Variants in MEIKIN observed in about 807,000 individuals in gnomAD.
MEIKIN encodes meiosis-specific kinetochore protein.
At chr5:131,866,249 G>C (rs1003957391) in intron 9 of MEIKIN, among the ~76,000 whole-genome samples, 1 of 152,222 alleles carries the variant, frequency 6.6e-6, no homozygotes, top group African/African-American at 2.4e-5. Context: ...GGTAGTGGCA[G>C]GTTGATTGAG....
chr5:131,853,140 T>C (rs964391726), intron 10 of MEIKIN, among the ~76,000 whole-genome samples: 16 of 152,162 alleles, frequency 1.1e-4, no homozygotes, highest in Non-Finnish European at 1.9e-4. Flanking sequence ...ATGGTAAAAA[T>C]AATGTCTGAT....
intron 9 of MEIKIN, 100 bp downstream of exon 9, chr5:131,878,878 A>T (rs1561742113): frequency 4.3e-5 from 3 of 70,150 alleles, no homozygotes; most frequent in Non-Finnish European, 1.0e-4. Context: ...CCATTTCTTA[A>T]AAAAAAAAAA....
intron 9 of MEIKIN, among the ~76,000 whole-genome samples, chr5:131,860,594 AC>A (rs1395514348): frequency 2.1e-5 from 3 of 141,414 alleles, no homozygotes; most frequent in Non-Finnish European, 4.6e-5. Flanking sequence ...ATAGGCACCC[AC>A]CACCATGCCA....
At chr5:131,873,008 T>A (rs1580883279) in intron 9 of MEIKIN, among the ~76,000 whole-genome samples, 2 of 152,136 alleles carry the variant, frequency 1.3e-5, no homozygotes, top group South Asian at 4.2e-4. Context: ...GCACTAAACA[T>A]GGAAAGGAAC....
rs564309941 is a variant in MEIKIN at position 131,931,567 on chromosome 5, A to G, written c.478+1946T>C. On this transcript the variant is annotated intron_variant, in intron 5 of 12. Coordinates refer to ENST00000442687, the MANE Select transcript of MEIKIN (RefSeq NM_001303622.2). ...CCTTATCTTGCTCTTCCCCTCAGGG[A>G]GAAGCTGAAAACTGTGGTATGGGTT... 2.6e-5 allele frequency among the ~76,000 whole-genome samples: 4 copies of G among 152,302 alleles called. No individual in the cohort carries two copies. The East Asian group carries it at 7.7e-4, about 29-fold the overall frequency.
intron 8 of MEIKIN, among the ~76,000 whole-genome samples, chr5:131,906,943 C>T (rs1006082380): frequency 6.6e-6 from 1 of 152,130 alleles, no homozygotes; most frequent in African/African-American, 2.4e-5. Flanking sequence ...ATAATCTGCA[C>T]ACCAAACTAC....
At chr5:131,877,864 TAAAC>T (rs971901033) in intron 9 of MEIKIN, among the ~76,000 whole-genome samples, 6 of 152,192 alleles carry the variant, frequency 3.9e-5, no homozygotes, top group Non-Finnish European at 8.8e-5. Flanking sequence ...GTTCTGGAAA[TAAAC>T]AATCTGTAAG....
chr5:131,828,707 T>C (rs1178230781), intron 11 of MEIKIN, among the ~76,000 whole-genome samples: 2 of 152,132 alleles, frequency 1.3e-5, no homozygotes, highest in South Asian at 2.1e-4. Flanking sequence ...CCACATTATA[T>C]AGAAAAAGAC....
At chr5:131,808,036 T>G (rs1269936980) in intron 12 of MEIKIN, among the ~76,000 whole-genome samples, 1 of 152,184 alleles carries the variant, frequency 6.6e-6, no homozygotes, top group Non-Finnish European at 1.5e-5. Context: ...ACCAGTTATG[T>G]CAGCATCACC....
At chr5:131,839,220 T>C (rs1055248553) in intron 11 of MEIKIN, among the ~76,000 whole-genome samples, 2 of 152,190 alleles carry the variant, frequency 1.3e-5, no homozygotes, top group Non-Finnish European at 2.9e-5. Flanking sequence ...CAAATGATTG[T>C]TTTTTATGAT....
chr5:131,860,347 A>ATTT (rs58038860), intron 9 of MEIKIN, among the ~76,000 whole-genome samples: 2 of 142,008 alleles, frequency 1.4e-5, no homozygotes, highest in South Asian at 2.2e-4. Context: ...TGCCTTCTTG[A>ATTT]TTTTTTTTCA....
At chr5:131,927,908 G>A (rs1027560827) in intron 5 of MEIKIN, among the ~76,000 whole-genome samples, 5 of 152,152 alleles carry the variant, frequency 3.3e-5, no homozygotes, top group African/African-American at 1.2e-4. Context: ...CACTTTGGGA[G>A]TCCGAGACGG....
rs4705840 is a variant in MEIKIN, at chr5:131,870,931, C to G, written c.774+8047G>C. ...AGTAGAAAGAGTATAGGCTTTAGAT[C>G]CGGAAAGACCTGCCACAACCTCCTC... On this transcript the variant is annotated intron_variant, in intron 9 of 12. Coordinates refer to ENST00000442687, the MANE Select transcript of MEIKIN (RefSeq NM_001303622.2). 2.0e-5 allele frequency among the ~76,000 whole-genome samples: 3 copies of G among 151,956 alleles called. No homozygotes were observed. In the South Asian group the frequency reaches 6.2e-4, roughly 31 times the overall value.
chr5:131,857,105 C>A (rs570024711), intron 9 of MEIKIN, among the ~76,000 whole-genome samples: 1 of 152,088 alleles, frequency 6.6e-6, no homozygotes, highest in African/African-American at 2.4e-5. Context: ...GAAGACGGAA[C>A]CTTGACTTTT....
chr5:131,853,351 C>T (rs1170441830), intron 10 of MEIKIN, among the ~76,000 whole-genome samples: 1 of 152,150 alleles, frequency 6.6e-6, no homozygotes, highest in Non-Finnish European at 1.5e-5. Flanking sequence ...GAGCAGTCCC[C>T]ACACTGCTAT....
At chr5:131,827,028 T>G (rs1045360430) in intron 11 of MEIKIN, among the ~76,000 whole-genome samples, 1 of 152,198 alleles carries the variant, frequency 6.6e-6, no homozygotes, top group Admixed American at 6.6e-5. Context: ...TTCACTGTGT[T>G]GCCCAGGTTA....
intron 8 of MEIKIN, among the ~76,000 whole-genome samples, chr5:131,894,483 C>G (rs187662158): frequency 7.4e-4 from 113 of 152,268 alleles, no homozygotes; most frequent in Middle Eastern, 3.4e-3. Context: ...TATAAATTAC[C>G]TTGGGCAGTA....
At position 131,945,582 on chromosome 5, in the gene MEIKIN, G is replaced by A; in HGVS notation, c.-77C>T. 2.5e-6 allele frequency: 1 copy of A among 399,806 alleles called. No homozygotes were observed. The highest frequency in any genetic ancestry group is 4.4e-6 in the Non-Finnish European group (1 of 225,848). 24.8% of individuals were successfully genotyped at this position (399,806 alleles called of 1,614,324 possible). The stretch of plus-strand genomic sequence containing the variant: ...CTGCCTTCCTGAGGATCAGGGCTAA[G>A]TCACAGGGAGTCAGCGTCCAGGCGA... On this transcript the variant is annotated 5_prime_UTR_variant, in exon 1 of 13. Coordinates refer to ENST00000442687, the MANE Select transcript of MEIKIN (RefSeq NM_001303622.2).
intron 11 of MEIKIN, among the ~76,000 whole-genome samples, chr5:131,846,871 C>T (rs947898204): frequency 2.9e-5 from 3 of 103,234 alleles, no homozygotes; most frequent in African/African-American, 1.2e-4. Flanking sequence ...AAAATGTTAA[C>T]ATCATCATCT....
Sources: allele counts gnomAD v4.1 joint callset (sites outside exome capture counted in the v4.1 genomes callset), GRCh38; gene constraint gnomAD v4.1.1; transcripts MANE v1.5; gene names NCBI Gene and HGNC (gene_info 2026-07-23, HGNC 2026-07-21).